MTMR10: variants seen among roughly 807,000 people sequenced by gnomAD.
MTMR10 encodes the protein myotubularin-related protein 10.
A neutral mutation model predicts 88.1 loss-of-function variants in MTMR10; 56 were observed. That is an observed-to-expected ratio of 0.64 (90% CI 0.51 to 0.79). The LOEUF is 0.79. Ranked by LOEUF, MTMR10 falls within the 30% of genes least tolerant of loss-of-function variation. The pLI is 0.00. For missense variants in MTMR10, 883 were observed against 924.7 expected, an observed-to-expected ratio of 0.95 and a Z score of 0.58; for synonymous variants, 380 against 340.9, an observed-to-expected ratio of 1.11 and a Z score of -1.26.
chr15:30,929,203 G>A, the MTMR10 span: 4 of 1,610,486 alleles, frequency 2.5e-6, no homozygotes, highest in African/African-American at 5.4e-5. Context: ...TGTGACACAG[G>A]CATTCCCCCT....
At chr15:30,979,120 TA>T (rs2030371834) in intron 2 of MTMR10, among the ~76,000 whole-genome samples, 1 of 152,144 alleles carries the variant, frequency 6.6e-6, no homozygotes, top group Non-Finnish European at 1.5e-5. Context: ...CACAGCCCTG[TA>T]ACAATGACTT....
chr15:30,984,473 G>A (rs1351041178), intron 2 of MTMR10, among the ~76,000 whole-genome samples: 3 of 152,114 alleles, frequency 2.0e-5, no homozygotes, highest in Non-Finnish European at 4.4e-5. Flanking sequence ...CATTTATGAA[G>A]CCTACCTACA....
At chr15:30,974,858 G>A in intron 4 of MTMR10, 73 bp downstream of exon 4, 1 of 1,062,904 alleles carries the variant, frequency 9.4e-7, no homozygotes, top group Non-Finnish European at 1.3e-6. Flanking sequence ...CAAGTATTTT[G>A]AGAGGTATGA....
Position 30,941,617 on chromosome 15 carries a change from C to G in MTMR10, c.2187G>C (p.Ser729=), listed in dbSNP as rs375339800. Reference sequence around the variant, plus strand: ...AGGAGGAGAGAAACTCCGGTGTCCCCGAGGTGTCGGTGTGGTGAGGGCCGC... The same window carrying G: ...AGGAGGAGAGAAACTCCGGTGTCCCGGAGGTGTCGGTGTGGTGAGGGCCGC... ...NASGPHHTDT[S]GTPEFLSSSF... The change falls in exon 16 of 16, where the codon TCG becomes TCC. Residue 729 remains serine, a synonymous_variant. Transcript: ENST00000435680. 6.2e-7 allele frequency: 1 copy of G among 1,602,502 alleles called. No individual in the cohort carries two copies. Among genetic ancestry groups the G allele is most frequent in the African/African-American group, 1.3e-5 (1 of 74,710 alleles).
the MTMR10 span, chr15:30,930,507 A>G: frequency 1.3e-6 from 2 of 1,561,764 alleles, no homozygotes; most frequent in African/African-American, 2.8e-5. Context: ...CTCTGTCACG[A>G]GGGAAGTGGC....
At position 30,939,807 on chromosome 15, in the gene MTMR10, C is replaced by G; in HGVS notation, c.*1663G>C. ...CTGTGGTGTTATAAGGAGATTGGGT[C>G]TGGTTTCTAATCAAGGACTGTAAAA... On this transcript the variant is annotated 3_prime_UTR_variant, in exon 16 of 16. Transcript: ENST00000435680. 1 of 985,254 alleles carries G rather than the reference C, an allele frequency of 1.0e-6. No homozygotes were observed. Among genetic ancestry groups the G allele is most frequent in the Non-Finnish European group, 1.2e-6 (1 of 829,802 alleles). The allele number at this position is 985,254 out of a possible 1,614,324, so 61.0% of individuals were successfully genotyped here. A position where few individuals can be genotyped will look rare whatever the true frequency, so the allele number is the denominator to read the frequency against.
Position 30,953,627 on chromosome 15 carries a change from A to G in MTMR10, c.1071T>C (p.Pro357=), listed in dbSNP as rs1270775418. 7 of 1,535,838 alleles carry G rather than the reference A, an allele frequency of 4.6e-6. No individual in the cohort carries two copies. The highest frequency in any genetic ancestry group is 5.3e-6 in the Non-Finnish European group (6 of 1,132,812). The change falls in exon 11 of 16, where the codon CCT becomes CCC. Residue 357 remains proline, a synonymous_variant. Coordinates refer to ENST00000435680, the MANE Select transcript of MTMR10 (RefSeq NM_017762.3). ...ACCATTTCTCTTCAGTTTCTTCAAAAGGCTCTGTAATAAATTATATACATA... is the reference window on the plus strand; with the variant it reads ...ACCATTTCTCTTCAGTTTCTTCAAAGGGCTCTGTAATAAATTATATACATA... ...VKLKQLCVNE[P]FEETEEKWLS... is the part of the protein sequence containing the mutation.
In MTMR10 at chr15:30,954,354, A is replaced by C. The variant is rs949422125; in HGVS notation, c.1066+409T>G. Among the ~76,000 whole-genome samples, 5 of 152,176 alleles carry C rather than the reference A, an allele frequency of 3.3e-5. No individual in the cohort carries two copies. The South Asian group carries it at 1.0e-3, about 31-fold the overall frequency. On this transcript the variant is annotated intron_variant, in intron 10 of 15. Transcript: ENST00000435680. ...AAAGCCACCTGGTACGTTTGCTCAG[A>C]TATATCAGAATTCTGATGCTACAGA...
chr15:30,946,527 C>A, intron 14 of MTMR10: 1 of 554,026 alleles, frequency 1.8e-6, no homozygotes, highest in South Asian at 2.3e-5. Flanking sequence ...GAGGGCAATC[C>A]TCTTCCTAGA....
At chr15:30,928,370 C>A in the MTMR10 span, 2 of 1,419,948 alleles carry the variant, frequency 1.4e-6, no homozygotes, top group African/African-American at 2.9e-5. Context: ...ATATAAACAA[C>A]ATACTGTATA....
rs1007798056 is a variant in MTMR10, at chr15:30,941,236, C to A, written c.*234G>T. 2 of 1,426,312 alleles carry A rather than the reference C, an allele frequency of 1.4e-6. No individual in the cohort carries two copies. The highest frequency in any genetic ancestry group is 1.4e-5 in the African/African-American group (1 of 70,650). The allele number at this position is 1,426,312 out of a possible 1,614,324, so 88.4% of individuals were successfully genotyped here. A position where few individuals can be genotyped will look rare whatever the true frequency, so the allele number is the denominator to read the frequency against. ...GCAGACAACATGAACAGTTTGATCA[C>A]GGTTACAAGAGCCAGACCTGTAATG... On this transcript the variant is annotated 3_prime_UTR_variant, in exon 16 of 16. Transcript: ENST00000435680.
downstream of MTMR10, among the ~76,000 whole-genome samples, chr15:30,935,101 T>C (rs1487508021): frequency 6.6e-6 from 1 of 151,578 alleles, no homozygotes; most frequent in Admixed American, 6.6e-5. Flanking sequence ...GGCTCAGGAG[T>C]TGGAGACCAG....
In MTMR10 at chr15:30,958,960, G is replaced by A. The variant is rs755962965; in HGVS notation, c.847-9C>T. 6.2e-7 allele frequency: 1 copy of A among 1,613,988 alleles called. No individual in the cohort carries two copies. The highest frequency in any genetic ancestry group is 8.5e-7 in the Non-Finnish European group (1 of 1,179,862). ...TGGCTCCAGCACCAGAGCTAGGGGA[G>A]AGGTAGAATCCTTACTTCACTGTGT... On this transcript the variant is annotated splice_polypyrimidine_tract_variant and intron_variant, in intron 8 of 15. Transcript: ENST00000435680.
chr15:30,920,401 G>A, the MTMR10 span: 2 of 613,398 alleles, frequency 3.3e-6, no homozygotes, highest in Non-Finnish European at 5.7e-6. Flanking sequence ...GTAGGTTTGT[G>A]GTGTAGAAAA....
chr15:30,971,240 A>G, intron 5 of MTMR10, among the ~76,000 whole-genome samples: 1 of 152,316 alleles, frequency 6.6e-6, no homozygotes, highest in South Asian at 2.1e-4. Context: ...AAGACATTAA[A>G]TTATGGCAAA....
intron 2 of MTMR10, among the ~76,000 whole-genome samples, chr15:30,985,297 CG>C (rs1415306730): frequency 1.3e-5 from 2 of 152,214 alleles, no homozygotes; most frequent in Non-Finnish European, 2.9e-5. Flanking sequence ...TTCTTCTGCA[CG>C]CTGGGTCAAA....
the MTMR10 span, chr15:30,930,585 T>TGCAG: frequency 6.2e-7 from 1 of 1,613,120 alleles, no homozygotes; most frequent in South Asian, 1.1e-5. Flanking sequence ...CAGTGGTGTG[T>TGCAG]GCAGGCACCT....
intron 5 of MTMR10, among the ~76,000 whole-genome samples, chr15:30,972,678 T>A (rs1012253178): frequency 6.6e-6 from 1 of 152,192 alleles, no homozygotes; most frequent in Admixed American, 6.5e-5. Flanking sequence ...TTTCATTTGT[T>A]CATGCTTTAT....
intron 5 of MTMR10, among the ~76,000 whole-genome samples, chr15:30,972,768 C>A (rs1184248321): frequency 6.6e-6 from 1 of 152,094 alleles, no homozygotes; most frequent in Non-Finnish European, 1.5e-5. Flanking sequence ...TAGCACACTG[C>A]CTCAACATGA....
Sources: gnomAD v4.1 joint callset for allele counts (sites outside exome capture counted in the v4.1 genomes callset) on GRCh38, gnomAD v4.1.1 for gene constraint, MANE v1.5 for transcripts, NCBI Gene and HGNC (gene_info 2026-07-23, HGNC 2026-07-21) for gene names.